Variants in DENND4C observed in about 807,000 individuals in gnomAD.
DENND4C encodes DENN domain-containing protein 4C.
In DENND4C, 108 loss-of-function variants were observed where a neutral mutation model predicts 203.0. The observed-to-expected ratio is 0.53, with a 90% CI of 0.46 to 0.62. The LOEUF is 0.62. Among genes scored for constraint, DENND4C ranks in the 20% least tolerant of loss-of-function variants. DENND4C has a pLI of 0.00. For synonymous variants in DENND4C, 871 were observed against 792.4 expected, an observed-to-expected ratio of 1.10 and a Z score of -1.67; for missense variants, 2,481 against 2,301.2, an observed-to-expected ratio of 1.08 and a Z score of -1.60.
intron 12 of DENND4C, among the ~76,000 whole-genome samples, chr9:19,323,595 A>G (rs190081225): frequency 9.8e-5 from 15 of 152,342 alleles, no homozygotes; most frequent in African/African-American, 3.6e-4. Flanking sequence ...ATAGATGTCT[A>G]CGATTAATAG....
At chr9:19,246,571 G>GTAT (rs1412742514) in intron 1 of DENND4C, among the ~76,000 whole-genome samples, 3 of 152,044 alleles carry the variant, frequency 2.0e-5, no homozygotes, top group Admixed American at 2.0e-4. Context: ...ATTGATTTAA[G>GTAT]TATTGCACAT....
chr9:19,232,572 T>G (rs1053654706), intron 1 of DENND4C, among the ~76,000 whole-genome samples: 2 of 152,246 alleles, frequency 1.3e-5, no homozygotes, highest in African/African-American at 4.8e-5. Flanking sequence ...CCTGTATGCT[T>G]TGTAAATGAG....
intron 1 of DENND4C, among the ~76,000 whole-genome samples, chr9:19,260,596 T>C (rs969402882): frequency 6.6e-6 from 1 of 151,938 alleles, no homozygotes; most frequent in Non-Finnish European, 1.5e-5. Flanking sequence ...CGGGGTTTCA[T>C]TATGTTGGCC....
chr9:19,259,468 C>G (rs1290291909), intron 1 of DENND4C, among the ~76,000 whole-genome samples: 2 of 151,236 alleles, frequency 1.3e-5, no homozygotes, highest in East Asian at 1.9e-4. Flanking sequence ...GAATAGTACT[C>G]CGTTGGGTAT....
At chr9:19,282,441 A>G (rs1028516995) in intron 2 of DENND4C, among the ~76,000 whole-genome samples, 3 of 150,214 alleles carry the variant, frequency 2.0e-5, no homozygotes, top group Non-Finnish European at 3.0e-5. Flanking sequence ...TTTTGTAGAG[A>G]TGGGGTTTCG....
At chr9:19,262,989 A>C (rs1030103401) in intron 1 of DENND4C, among the ~76,000 whole-genome samples, 1 of 152,214 alleles carries the variant, frequency 6.6e-6, no homozygotes, top group Non-Finnish European at 1.5e-5. Flanking sequence ...AACAGTATTG[A>C]AAGTGGGCAT....
intron 2 of DENND4C, among the ~76,000 whole-genome samples, chr9:19,284,572 C>T (rs1314817550): frequency 6.6e-6 from 1 of 151,802 alleles, no homozygotes; most frequent in East Asian, 1.9e-4. Context: ...TATATTCTGC[C>T]ATATATGTGT....
intron 1 of DENND4C, among the ~76,000 whole-genome samples, chr9:19,256,993 C>G (rs1348987731): frequency 2.0e-5 from 3 of 151,516 alleles, no homozygotes; most frequent in African/African-American, 7.3e-5. Flanking sequence ...TGGTGTGAAC[C>G]TGGGAGGCGG....
intron 30 of DENND4C, among the ~76,000 whole-genome samples, chr9:19,369,426 T>C (rs1468443359): frequency 6.6e-6 from 1 of 152,132 alleles, no homozygotes; most frequent in African/African-American, 2.4e-5. Context: ...AGTGGGGAAG[T>C]GCTATTGGTT....
intron 24 of DENND4C, among the ~76,000 whole-genome samples, chr9:19,351,102 G>A (rs908432483): frequency 7.2e-5 from 11 of 151,900 alleles, no homozygotes; most frequent in African/African-American, 2.7e-4. Flanking sequence ...GTAACTCCCC[G>A]CTCAATAAGC....
Position 19,359,412 on chromosome 9 carries a change from C to T in DENND4C, c.5161-832C>T, listed in dbSNP as rs544870490. Among the ~76,000 whole-genome samples, 131 of 151,888 alleles carry T rather than the reference C, an allele frequency of 8.6e-4. 3 individuals are homozygous for T. Among genetic ancestry groups the T allele is most frequent in the Admixed American group, 6.7e-3 (102 of 15,268 alleles). On this transcript the variant is annotated intron_variant, in intron 28 of 32. Transcript: ENST00000434457. ...TCTTTATATCTATTGCTGTTTTTAT[C>T]GTTGTTCATGCTTATATTATTCTCT... is the stretch of plus-strand genomic sequence containing the variant.
chr9:19,252,705 G>A (rs916728157), intron 1 of DENND4C, among the ~76,000 whole-genome samples: 5 of 106,476 alleles, frequency 4.7e-5, no homozygotes, highest in African/African-American at 1.9e-4. Context: ...CCAAATCAGC[G>A]TGTGTATACA....
intron 22 of DENND4C, among the ~76,000 whole-genome samples, chr9:19,343,878 A>G (rs1264581502): frequency 6.6e-6 from 1 of 152,194 alleles, no homozygotes; most frequent in Admixed American, 6.5e-5. Flanking sequence ...ATTTTTTTTA[A>G]AAAACATTGA....
chr9:19,276,270 A>G lies in DENND4C; in HGVS notation c.96A>G (p.Leu32=), dbSNP rs936308841. Residue 32 remains leucine (L), a synonymous_variant, in exon 2 of 33, where the codon TTA becomes TTG. Transcript: ENST00000434457. Reference sequence around the variant, plus strand: ...TTTTGGATCAAGAAATAAATCGTTTAGATACTAAGTCAACTGGACCTAAAG... The same window carrying G: ...TTTTGGATCAAGAAATAAATCGTTTGGATACTAAGTCAACTGGACCTAAAG... The part of the protein sequence containing the change: ...STLLDQEINR[L]DTKSTGPKAP... 1 of 1,232,070 alleles carries G rather than the reference A, an allele frequency of 8.1e-7. No homozygotes were observed. 76.3% of individuals were successfully genotyped at this position (1,232,070 alleles called of 1,614,324 possible).
At chr9:19,278,635 C>G (rs1244669859) in intron 2 of DENND4C, among the ~76,000 whole-genome samples, 1 of 152,158 alleles carries the variant, frequency 6.6e-6, no homozygotes, top group African/African-American at 2.4e-5. Flanking sequence ...TCCTCATTTT[C>G]AAATTTTTAA....
At chr9:19,281,193 T>C (rs1833979465) in intron 2 of DENND4C, among the ~76,000 whole-genome samples, 1 of 152,280 alleles carries the variant, frequency 6.6e-6, no homozygotes, top group African/African-American at 2.4e-5. Context: ...GTAGGTGCTT[T>C]CAGATTGCAA....
chr9:19,309,459 A>G (rs1254215194), intron 10 of DENND4C, among the ~76,000 whole-genome samples: 1 of 152,070 alleles, frequency 6.6e-6, no homozygotes, highest in African/African-American at 2.4e-5. Flanking sequence ...TGGTGGTTAC[A>G]CAATTCCGTG....
chr9:19,254,763 A>C (rs917405864), intron 1 of DENND4C, among the ~76,000 whole-genome samples: 2 of 152,222 alleles, frequency 1.3e-5, no homozygotes, highest in Non-Finnish European at 2.9e-5. Context: ...TAATGTGTAT[A>C]TATATACCAA....
chr9:19,360,232 ATTTTT>A lies in DENND4C; in HGVS notation c.5161-8_5161-4del, dbSNP rs762262701. On this transcript the variant is annotated splice_region_variant and splice_polypyrimidine_tract_variant and intron_variant, in intron 28 of 32. Transcript: ENST00000434457. Reference sequence around the variant, plus strand: ...ACAGATAATATTAATTTCTTTTTGTATTTTTTTTAAGGATCCTTTAGGAAAAAGAC... The same window carrying A: ...ACAGATAATATTAATTTCTTTTTGTATTTAAGGATCCTTTAGGAAAAAGAC... 6.2e-7 allele frequency: 1 copy of A among 1,606,920 alleles called. No homozygotes were observed. Among genetic ancestry groups the A allele is most frequent in the Non-Finnish European group, 8.5e-7 (1 of 1,176,942 alleles).
Sources: allele counts gnomAD v4.1 joint callset (sites outside exome capture counted in the v4.1 genomes callset), GRCh38; gene constraint gnomAD v4.1.1; transcripts MANE v1.5; gene names NCBI Gene and HGNC (gene_info 2026-07-23, HGNC 2026-07-21).